ANGPTL5: variants seen among roughly 807,000 people sequenced by gnomAD.
ANGPTL5 encodes angiopoietin like 5.
A neutral mutation model predicts 39.4 loss-of-function variants in ANGPTL5; 34 were observed. The ratio of observed to expected loss-of-function variants is 0.86; its 90% CI spans 0.66 to 1.15. The LOEUF (loss-of-function observed/expected upper bound fraction) is 1.15. Ranked by LOEUF, ANGPTL5 falls within the 50% of genes most tolerant of loss-of-function variation. The probability of loss-of-function intolerance (pLI) is 0.00; values close to 1 mark genes in which losing one functional copy is unlikely to be tolerated. For missense variants in ANGPTL5, 467 were observed against 457.5 expected, an observed-to-expected ratio of 1.02 and a Z score of -0.19; for synonymous variants, 146 against 152.1, an observed-to-expected ratio of 0.96 and a Z score of 0.29.
intron 1 of ANGPTL5, among the ~76,000 whole-genome samples, chr11:101,913,727 A>C (rs1420575958): frequency 1.3e-5 from 2 of 152,174 alleles, no homozygotes; most frequent in African/African-American, 4.8e-5. Flanking sequence ...ACCATGCCTA[A>C]ATATTCCAAA....
intron 1 of ANGPTL5, chr11:101,915,324 G>A (rs749850977): frequency 6.2e-7 from 1 of 1,613,960 alleles, no homozygotes; most frequent in Non-Finnish European, 8.5e-7. Flanking sequence ...CGCGGTCGGG[G>A]AACTGGGCAC....
intron 7 of ANGPTL5, among the ~76,000 whole-genome samples, chr11:101,897,397 T>C (rs889672704): frequency 6.6e-6 from 1 of 152,212 alleles, no homozygotes; most frequent in Non-Finnish European, 1.5e-5. Flanking sequence ...TTGTTCAAAT[T>C]GCTTTTGTTG....
In ANGPTL5 at chr11:101,907,872, T is replaced by C; in HGVS notation, c.38A>G (p.Asn13Ser). 3 of 1,610,946 alleles carry C rather than the reference T, an allele frequency of 1.9e-6. No individual in the cohort carries two copies. The highest frequency in any genetic ancestry group is 8.5e-7 in the Non-Finnish European group (1 of 1,177,384). The change falls in exon 2 of 9, where the codon AAT (asparagine) becomes AGT (serine). Residue 13 changes from asparagine (N) to serine (S), a missense_variant. Coordinates refer to ENST00000334289, the MANE Select transcript of ANGPTL5 (RefSeq NM_178127.5). ...TTCTCCACAAATAAAAATACATACATTTAAGAATAAGAGTGAGGCTTGGGA... is the reference window on the plus strand; with the variant it reads ...TTCTCCACAAATAAAAATACATACACTTAAGAATAAGAGTGAGGCTTGGGA... ...SPSQASLLFL[N>S]VCIFICGEAV...
chr11:101,891,593 C>T lies in ANGPTL5; in HGVS notation c.853G>A (p.Ala285Thr), dbSNP rs1449294751. ...LGRYSGNAGD[A>T]FRGLKKEDNQ... ...TCTTCTTTTTTGAGACCCCGGAATG[C>T]ATCACCTGGGAAAAAAATTTTTAAT... is the stretch of plus-strand genomic sequence containing the variant. The change falls in exon 9 of 9, where the codon GCA becomes ACA. Residue 285 changes from alanine to threonine, a missense_variant. By Grantham distance (58) the Ala-to-Thr change is moderately conservative. Coordinates refer to ENST00000334289, the MANE Select transcript of ANGPTL5 (RefSeq NM_178127.5). 2 of 1,613,740 alleles carry T rather than the reference C, an allele frequency of 1.2e-6. No individual in the cohort carries two copies. Among genetic ancestry groups the T allele is most frequent in the African/African-American group, 2.7e-5 (2 of 74,984 alleles).
At position 101,905,775 on chromosome 11, in the gene ANGPTL5, T is replaced by G; in HGVS notation, c.314A>C (p.Gln105Pro). 1 of 1,611,860 alleles carries G rather than the reference T, an allele frequency of 6.2e-7. No individual in the cohort carries two copies. Among genetic ancestry groups the G allele is most frequent in the South Asian group, 1.1e-5 (1 of 91,016 alleles). The change falls in exon 4 of 9, where the codon CAA (glutamine) becomes CCA (proline). Residue 105 changes from glutamine to proline, a missense_variant. Physicochemically the swap from Gln to Pro is moderately conservative, Grantham distance 76. Coordinates refer to ENST00000334289, the MANE Select transcript of ANGPTL5 (RefSeq NM_178127.5). Reference sequence around the variant, plus strand: ...AGATAAATAATCCAAGGAAGCTTGTTGCTCATCCATCATATTCCTTAGTAG... The same window carrying G: ...AGATAAATAATCCAAGGAAGCTTGTGGCTCATCCATCATATTCCTTAGTAG... ...KKLLRNMMDE[Q>P]QASLDYLSNQ...
chr11:101,901,738 C>T (rs970406597), intron 6 of ANGPTL5, among the ~76,000 whole-genome samples: 10 of 151,942 alleles, frequency 6.6e-5, no homozygotes, highest in Admixed American at 6.6e-5. Context: ...AATTATTTCC[C>T]ACCTAATTTC....
At position 101,904,309 on chromosome 11, in the gene ANGPTL5, T is replaced by C. The variant is rs184038440; in HGVS notation, c.439+505A>G. 1.2e-4 allele frequency among the ~76,000 whole-genome samples: 18 copies of C among 152,286 alleles called. No homozygotes were observed. In the East Asian group the frequency reaches 1.7e-3, roughly 15 times the overall value. ...ATTCATATTTATAAGATTTATAGGG[T>C]ATTTTTCTTAGAAGTCCAAACCTCT... On this transcript the variant is annotated intron_variant, in intron 5 of 8. Transcript: ENST00000334289.
In ANGPTL5 at chr11:101,890,965, G is replaced by A; in HGVS notation, c.*314C>T. 4.8e-6 allele frequency: 1 copy of A among 209,174 alleles called. No individual in the cohort carries two copies. The highest frequency in any genetic ancestry group is 9.7e-6 in the Non-Finnish European group (1 of 103,336). 13.0% of individuals were successfully genotyped at this position (209,174 alleles called of 1,614,324 possible). Reference sequence around the variant, plus strand: ...TCAATTTTCCTTACAACATATTATGGTTTAAAAATGCTTCAAAGAAAAGGC... The same window carrying A: ...TCAATTTTCCTTACAACATATTATGATTTAAAAATGCTTCAAAGAAAAGGC... On this transcript the variant is annotated 3_prime_UTR_variant, in exon 9 of 9. Transcript: ENST00000334289.
At chr11:101,894,205 T>C (rs1939751811) in intron 8 of ANGPTL5, among the ~76,000 whole-genome samples, 1 of 152,192 alleles carries the variant, frequency 6.6e-6, no homozygotes, top group East Asian at 1.9e-4. Flanking sequence ...CCTGGGAACA[T>C]ATATCATTTA....
intron 7 of ANGPTL5, among the ~76,000 whole-genome samples, chr11:101,895,480 T>C (rs1009683250): frequency 1.3e-5 from 2 of 152,218 alleles, no homozygotes; most frequent in Non-Finnish European, 2.9e-5. Context: ...TATTTACCAG[T>C]AAATGAGAAG....
At position 101,899,250 on chromosome 11, in the gene ANGPTL5, A is replaced by C. The variant is rs75711792; in HGVS notation, c.661+1180T>G. Reference sequence around the variant, plus strand: ...AGCTCTTCTTTGTACCTCTGGTAAAATTTGGCTGTGAATCCGTCTTTTGTG... The same window carrying C: ...AGCTCTTCTTTGTACCTCTGGTAAACTTTGGCTGTGAATCCGTCTTTTGTG... On this transcript the variant is annotated intron_variant, in intron 7 of 8. Transcript: ENST00000334289. Among the ~76,000 whole-genome samples, 261 of 152,292 alleles carry C rather than the reference A, an allele frequency of 1.7e-3. 1 individual carries two copies. Among genetic ancestry groups the C allele is most frequent in the African/African-American group, 5.9e-3 (245 of 41,564 alleles).
At chr11:101,898,281 T>C (rs7107333) in intron 7 of ANGPTL5, among the ~76,000 whole-genome samples, 12,164 of 152,140 alleles carry the variant, frequency 0.08, 739 homozygotes, top group East Asian at 0.31. Flanking sequence ...TTCTTCCTAT[T>C]TATGAGCATG....
chr11:101,906,961 G>A, intron 3 of ANGPTL5, 142 bp downstream of exon 3: 1 of 624,424 alleles, frequency 1.6e-6, no homozygotes, highest in East Asian at 2.9e-5. Flanking sequence ...CCTATTATGG[G>A]CCAAACAATA....
At chr11:101,901,644 T>C (rs1334247102) in intron 6 of ANGPTL5, among the ~76,000 whole-genome samples, 1 of 152,184 alleles carries the variant, frequency 6.6e-6, no homozygotes, top group Non-Finnish European at 1.5e-5. Flanking sequence ...CATCCCACTC[T>C]TCATAAAATT....
intron 1 of ANGPTL5, chr11:101,914,972 CG>C (rs1940165455): frequency 3.2e-6 from 1 of 316,866 alleles, no homozygotes; most frequent in Non-Finnish European, 5.8e-6. Flanking sequence ...CGTCCCGCCC[CG>C]ACCTGTAGCT....
At chr11:101,909,461 G>A (rs746858742) in intron 1 of ANGPTL5, among the ~76,000 whole-genome samples, 1 of 152,056 alleles carries the variant, frequency 6.6e-6, no homozygotes, top group African/African-American at 2.4e-5. Flanking sequence ...GTAACATTGC[G>A]GACAATATTG....
intron 1 of ANGPTL5, 128 bp downstream of exon 1, chr11:101,915,891 G>C (rs1482642844): frequency 6.6e-6 from 1 of 152,494 alleles, no homozygotes; most frequent in Non-Finnish European, 1.5e-5. Flanking sequence ...TTGGTAAGTT[G>C]TTTTGTTTTC....
chr11:101,897,932 A>C (rs1326411344), intron 7 of ANGPTL5, among the ~76,000 whole-genome samples: 1 of 152,182 alleles, frequency 6.6e-6, no homozygotes, highest in Admixed American at 6.5e-5. Context: ...TTGAATCTAT[A>C]AATTACTCTG....
Position 101,891,226 on chromosome 11 carries a change from A to T in ANGPTL5, c.*53T>A. 6.7e-7 allele frequency: 1 copy of T among 1,492,482 alleles called. No homozygotes were observed. The allele number at this position is 1,492,482 out of a possible 1,614,324, so 92.5% of individuals were successfully genotyped here. A position where few individuals can be genotyped will look rare whatever the true frequency, so the allele number is the denominator to read the frequency against. On this transcript the variant is annotated 3_prime_UTR_variant, in exon 9 of 9. Coordinates refer to ENST00000334289, the MANE Select transcript of ANGPTL5 (RefSeq NM_178127.5). ...CACTAAGTGAAAAGATAAACTTTTA[A>T]AAATCTTTAATATATTATCATTGTA...
Sources: gnomAD v4.1 joint callset for allele counts (sites outside exome capture counted in the v4.1 genomes callset) on GRCh38, gnomAD v4.1.1 for gene constraint, MANE v1.5 for transcripts, NCBI Gene and HGNC (gene_info 2026-07-23, HGNC 2026-07-21) for gene names.